The following PACRG variants were observed in gnomAD, a reference collection of about 807,000 sequenced individuals.
PACRG encodes the protein parkin coregulated.
Under a neutral mutation model 29.7 loss-of-function variants are expected in PACRG, and 29 were observed. That is an observed-to-expected ratio of 0.98 (90% CI 0.73 to 1.33). The LOEUF (loss-of-function observed/expected upper bound fraction) is 1.33. Among genes scored for constraint, PACRG ranks in the 40% most tolerant of loss-of-function variants. PACRG has a pLI of 0.00. For missense variants in PACRG, 279 were observed against 316.2 expected, an observed-to-expected ratio of 0.88 and a Z score of 0.89; for synonymous variants, 116 against 118.7, an observed-to-expected ratio of 0.98 and a Z score of 0.15.
intron 4 of PACRG, among the ~76,000 whole-genome samples, chr6:163,172,879 C>T (rs61329441): frequency 6.6e-6 from 1 of 152,292 alleles, no homozygotes; most frequent in East Asian, 1.9e-4. Context: ...TAGATATTTT[C>T]AATCTGTTTT....
intron 2 of PACRG, among the ~76,000 whole-genome samples, chr6:162,922,902 T>C (rs1797167949): frequency 6.6e-6 from 1 of 152,226 alleles, no homozygotes; most frequent in Non-Finnish European, 1.5e-5. Flanking sequence ...TATACTGATT[T>C]CCTTTCCTTT....
chr6:162,803,281 A>G (rs1786034387), intron 1 of PACRG, among the ~76,000 whole-genome samples: 1 of 152,214 alleles, frequency 6.6e-6, no homozygotes, highest in African/African-American at 2.4e-5. Context: ...ATGGAGACCA[A>G]GGAGGAGCAG....
chr6:163,069,915 A>T (rs746845157), intron 3 of PACRG, among the ~76,000 whole-genome samples: 25 of 152,194 alleles, frequency 1.6e-4, no homozygotes, highest in Non-Finnish European at 3.1e-4. Flanking sequence ...TAAAAGCAGC[A>T]AGAGAAAATA....
At chr6:162,959,680 A>C (rs1800448257) in intron 2 of PACRG, among the ~76,000 whole-genome samples, 1 of 152,156 alleles carries the variant, frequency 6.6e-6, no homozygotes, top group Admixed American at 6.5e-5. Flanking sequence ...ATTGGAGAGG[A>C]GCAAGTGTAG....
chr6:162,874,821 C>T (rs1195042758), intron 2 of PACRG, among the ~76,000 whole-genome samples: 1 of 151,946 alleles, frequency 6.6e-6, no homozygotes, highest in Non-Finnish European at 1.5e-5. Flanking sequence ...ATTCATACGA[C>T]TCGCACACAT....
At chr6:163,286,367 T>C (rs2128185432) in intron 4 of PACRG, among the ~76,000 whole-genome samples, 1 of 152,302 alleles carries the variant, frequency 6.6e-6, no homozygotes, top group Non-Finnish European at 1.5e-5. Flanking sequence ...CTACCCATAA[T>C]AACACAGGTA....
intron 1 of PACRG, among the ~76,000 whole-genome samples, chr6:162,761,676 C>T (rs1782367110): frequency 2.6e-5 from 4 of 152,090 alleles, no homozygotes; most frequent in Admixed American, 2.6e-4. Context: ...CGGTGGCTCA[C>T]GCCTGTAATC....
At chr6:163,139,815 A>G (rs550038498) in intron 4 of PACRG, among the ~76,000 whole-genome samples, 9 of 152,124 alleles carry the variant, frequency 5.9e-5, no homozygotes, top group African/African-American at 2.2e-4. Flanking sequence ...AATTTTCCCA[A>G]CCTTGTCTTT....
intron 4 of PACRG, among the ~76,000 whole-genome samples, chr6:163,269,921 A>G (rs1783716910): frequency 1.3e-5 from 1 of 78,400 alleles, no homozygotes. Flanking sequence ...AAAGAAAGAA[A>G]GAAAGAAAAC....
rs71546912 is a variant in PACRG at position 162,787,586 on chromosome 6, A to C, written c.157-26561A>C. Among the ~76,000 whole-genome samples the C allele has an allele frequency of 2.2e-3, 110 of 49,796 alleles. 5 individuals carry two copies. The highest frequency in any genetic ancestry group is 4.5e-3 in the African/African-American group (66 of 14,820). The allele number at this position is 49,796 out of a possible 152,430, so 32.7% of individuals were successfully genotyped here. A position where few individuals can be genotyped will look rare whatever the true frequency, so the allele number is the denominator to read the frequency against. On this transcript the variant is annotated intron_variant, in intron 1 of 4. Coordinates refer to ENST00000366888, the MANE Select transcript of PACRG (RefSeq NM_001080379.2). The stretch of plus-strand genomic sequence containing the variant: ...TGTGTGTGTGTGTGTGTGTGTGTAT[A>C]TATATATATATATATATATATATAT...
intron 2 of PACRG, among the ~76,000 whole-genome samples, chr6:162,829,509 C>T (rs990628475): frequency 6.6e-6 from 1 of 152,204 alleles, no homozygotes; most frequent in Non-Finnish European, 1.5e-5. Flanking sequence ...GTGAAAATCA[C>T]TGGTGATATA....
chr6:162,939,913 T>G (rs529966372), intron 2 of PACRG, among the ~76,000 whole-genome samples: 15 of 152,342 alleles, frequency 9.8e-5, no homozygotes, highest in African/African-American at 3.6e-4. Context: ...AATTAGTTCA[T>G]ACTGGTAATT....
chr6:163,060,413 T>C (rs972314700), intron 2 of PACRG, among the ~76,000 whole-genome samples: 7 of 152,144 alleles, frequency 4.6e-5, no homozygotes, highest in Non-Finnish European at 8.8e-5. Context: ...TTGTACAAAA[T>C]AATGTTTTAA....
At chr6:162,965,172 G>A (rs1165553553) in intron 2 of PACRG, among the ~76,000 whole-genome samples, 1 of 152,176 alleles carries the variant, frequency 6.6e-6, no homozygotes, top group Non-Finnish European at 1.5e-5. Context: ...TGTTAAAGCA[G>A]GAGTATAATA....
intron 4 of PACRG, among the ~76,000 whole-genome samples, chr6:163,173,536 G>T (rs1179549386): frequency 6.6e-6 from 1 of 152,168 alleles, no homozygotes; most frequent in African/African-American, 2.4e-5. Context: ...TTCTCCTCTA[G>T]ACCATGGCTT....
At chr6:163,138,335 C>CT (rs1202140032) in intron 4 of PACRG, among the ~76,000 whole-genome samples, 1 of 152,144 alleles carries the variant, frequency 6.6e-6, no homozygotes, top group Non-Finnish European at 1.5e-5. Flanking sequence ...GGGGGCGTAT[C>CT]TGCCACCTCT....
chr6:162,765,266 A>G (rs1164094586), intron 1 of PACRG, among the ~76,000 whole-genome samples: 1 of 152,150 alleles, frequency 6.6e-6, no homozygotes, highest in East Asian at 1.9e-4. Flanking sequence ...TGCCAATTGT[A>G]GAATAAATGT....
chr6:163,164,405 C>T (rs1778703308), intron 4 of PACRG, among the ~76,000 whole-genome samples: 1 of 152,160 alleles, frequency 6.6e-6, no homozygotes, highest in Non-Finnish European at 1.5e-5. Context: ...GTTCACACTG[C>T]CAAAGTGTGA....
chr6:163,058,683 T>G (rs1254822474), intron 2 of PACRG, among the ~76,000 whole-genome samples: 4 of 152,060 alleles, frequency 2.6e-5, no homozygotes, highest in African/African-American at 9.7e-5. Context: ...GATCATGAGG[T>G]CAGGAGATCG....
Sources: allele counts gnomAD v4.1 joint callset (sites outside exome capture counted in the v4.1 genomes callset), GRCh38; gene constraint gnomAD v4.1.1; transcripts MANE v1.5; gene names NCBI Gene and HGNC (gene_info 2026-07-23, HGNC 2026-07-21).